The following CPNE5 variants were observed in gnomAD, a reference collection of about 807,000 sequenced individuals.
The protein encoded by CPNE5 is copine-5.
In CPNE5, 42 loss-of-function variants were observed where a neutral mutation model predicts 81.1. The ratio of observed to expected loss-of-function variants is 0.52; its 90% CI spans 0.40 to 0.67. CPNE5 has a LOEUF of 0.67. CPNE5 is among the 30% of genes least tolerant of loss of function. The pLI is 0.00. For synonymous variants in CPNE5, 313 were observed against 321.5 expected, an observed-to-expected ratio of 0.97 and a Z score of 0.28; for missense variants, 612 against 815.5, an observed-to-expected ratio of 0.75 and a Z score of 3.04.
In CPNE5 at chr6:36,742,062, C is replaced by A. The variant is rs954696280; in HGVS notation, c.*206G>T. The A allele has an allele frequency of 1.1e-5, 6 of 564,182 alleles. No homozygotes were observed. The African/African-American group carries it at 1.1e-4, about 11-fold the overall frequency. The allele number at this position is 564,182 out of a possible 1,614,324, so 34.9% of individuals were successfully genotyped here. Reference sequence around the variant, plus strand: ...GGGTCCCTGTGTACCCCTCTTTCACCCGTACCCCCCTAACTCCCTGGGTTT... The same window carrying A: ...GGGTCCCTGTGTACCCCTCTTTCACACGTACCCCCCTAACTCCCTGGGTTT... On this transcript the variant is annotated 3_prime_UTR_variant, in exon 21 of 21. Transcript: ENST00000244751.
At chr6:36,810,545 C>A (rs1332043102) in intron 3 of CPNE5, among the ~76,000 whole-genome samples, 3 of 152,146 alleles carry the variant, frequency 2.0e-5, no homozygotes, top group Non-Finnish European at 4.4e-5. Context: ...CAGGTGGGGG[C>A]GCCCAGTGGC....
At chr6:36,802,941 C>T (rs936640377) in intron 3 of CPNE5, among the ~76,000 whole-genome samples, 13 of 152,034 alleles carry the variant, frequency 8.6e-5, no homozygotes, top group African/African-American at 2.9e-4. Flanking sequence ...GCCTATAGTC[C>T]CAGATATTTG....
At chr6:36,801,499 G>A (rs1444490153) in intron 3 of CPNE5, among the ~76,000 whole-genome samples, 3 of 152,226 alleles carry the variant, frequency 2.0e-5, no homozygotes, top group South Asian at 2.1e-4. Context: ...CCATCAAAGC[G>A]GCTCTCTTTT....
At chr6:36,812,230 G>A (rs796360393) in intron 3 of CPNE5, among the ~76,000 whole-genome samples, 6 of 152,298 alleles carry the variant, frequency 3.9e-5, no homozygotes, top group African/African-American at 1.4e-4. Flanking sequence ...TGTGTTGCTG[G>A]GCAAAGCCAG....
At chr6:36,814,451 G>C (rs1228080722) in intron 3 of CPNE5, among the ~76,000 whole-genome samples, 1 of 152,210 alleles carries the variant, frequency 6.6e-6, no homozygotes, top group African/African-American at 2.4e-5. Flanking sequence ...CCAACTCTGA[G>C]GTAGGGAAAT....
At position 36,771,338 on chromosome 6, in the gene CPNE5, C is replaced by T. The variant is rs543507640; in HGVS notation, c.737+3623G>A. 6.6e-4 allele frequency among the ~76,000 whole-genome samples: 100 copies of T among 152,352 alleles called. 2 individuals are homozygous for T. In the South Asian group the frequency reaches 0.019, roughly 29 times the overall value. On this transcript the variant is annotated intron_variant, in intron 10 of 20. Coordinates refer to ENST00000244751, the MANE Select transcript of CPNE5 (RefSeq NM_020939.2). ...GAGCCAGGCTGCCGGGGTCCACATCCTGGTTCTACCACCGGCTGGCAGCAA... is the reference window on the plus strand; with the variant it reads ...GAGCCAGGCTGCCGGGGTCCACATCTTGGTTCTACCACCGGCTGGCAGCAA...
chr6:36,794,026 G>A (rs921270968), intron 7 of CPNE5, among the ~76,000 whole-genome samples: 1 of 152,166 alleles, frequency 6.6e-6, no homozygotes, highest in Non-Finnish European at 1.5e-5. Flanking sequence ...GAGGCCAGCC[G>A]AAGCCAGATG....
Position 36,834,254 on chromosome 6 carries a change from CAAAAAAAAAAAA to C in CPNE5, c.95+5017_95+5028del, listed in dbSNP as rs1157250827. ...AGCTTGGGCAACAGAGACTGTATCT[CAAAAAAAAAAAA>C]AAAAAAAAAAAAGGAAGGAAGGGAG... On this transcript the variant is annotated intron_variant, in intron 1 of 20. Transcript: ENST00000244751. Among the ~76,000 whole-genome samples, 10 of 21,684 alleles carry C rather than the reference CAAAAAAAAAAAA, an allele frequency of 4.6e-4. No individual in the cohort carries two copies. The South Asian group carries it at 0.031, about 68-fold the overall frequency. The allele number at this position is 21,684 out of a possible 152,430, so 14.2% of individuals were successfully genotyped here.
At chr6:36,747,210 C>T (rs1000537048) in intron 15 of CPNE5, among the ~76,000 whole-genome samples, 1 of 151,916 alleles carries the variant, frequency 6.6e-6, no homozygotes, top group Non-Finnish European at 1.5e-5. Flanking sequence ...TTAAAAATTA[C>T]AGCCTCCCCC....
At chr6:36,822,973 T>C in intron 2 of CPNE5, 85 bp downstream of exon 2, 3 of 1,177,936 alleles carry the variant, frequency 2.5e-6, no homozygotes, top group Non-Finnish European at 3.5e-6. Flanking sequence ...TGGTTAGTGC[T>C]CAGTAAGGGC....
intron 8 of CPNE5, 49 bp downstream of exon 8, chr6:36,791,984 A>T: frequency 6.4e-7 from 1 of 1,552,764 alleles, no homozygotes; most frequent in Non-Finnish European, 8.9e-7. Context: ...CCTGCACTCC[A>T]TCACCCCCAC....
chr6:36,755,809 A>C, intron 13 of CPNE5: 1 of 177,296 alleles, frequency 5.6e-6, no homozygotes, highest in Non-Finnish European at 1.2e-5. Flanking sequence ...CATCTCTACC[A>C]CTTTCTAGCT....
chr6:36,828,560 C>G (rs1772720049), intron 1 of CPNE5, among the ~76,000 whole-genome samples: 1 of 152,224 alleles, frequency 6.6e-6, no homozygotes, highest in African/African-American at 2.4e-5. Flanking sequence ...AAGGCTTTGG[C>G]TTCAGCATAG....
chr6:36,812,157 GAGA>G (rs201437991), intron 3 of CPNE5, among the ~76,000 whole-genome samples: 3 of 152,180 alleles, frequency 2.0e-5, no homozygotes, highest in East Asian at 3.9e-4. Context: ...CTGGGCAGAG[GAGA>G]AGACCAGGGA....
chr6:36,753,167 G>T, intron 13 of CPNE5, 72 bp from the exon 14 acceptor site: 2 of 1,243,190 alleles, frequency 1.6e-6, no homozygotes, highest in South Asian at 1.2e-5. Context: ...TTCGAGAGCT[G>T]ACATTGACAG....
At chr6:36,782,113 G>A (rs769209517) in intron 8 of CPNE5, among the ~76,000 whole-genome samples, 2 of 152,170 alleles carry the variant, frequency 1.3e-5, no homozygotes, top group Non-Finnish European at 2.9e-5. Context: ...CTCTTGTGGG[G>A]AGCAGTGGCA....
intron 3 of CPNE5, among the ~76,000 whole-genome samples, chr6:36,811,870 G>A (rs1485730074): frequency 6.6e-6 from 1 of 152,084 alleles, no homozygotes; most frequent in Non-Finnish European, 1.5e-5. Flanking sequence ...TTGGGAGGCC[G>A]AGGTGGGCGG....
chr6:36,807,453 A>T (rs2150551042), intron 3 of CPNE5, among the ~76,000 whole-genome samples: 1 of 152,276 alleles, frequency 6.6e-6, no homozygotes, highest in East Asian at 1.9e-4. Flanking sequence ...GGGACATAAA[A>T]CGTGCTCTGT....
intron 8 of CPNE5, among the ~76,000 whole-genome samples, chr6:36,785,223 C>A (rs1479336318): frequency 1.3e-5 from 2 of 152,120 alleles, no homozygotes; most frequent in African/African-American, 4.8e-5. Context: ...CCTCCCTCCC[C>A]TGAAGAGGGC....
Sources: allele counts gnomAD v4.1 joint callset (sites outside exome capture counted in the v4.1 genomes callset), GRCh38; gene constraint gnomAD v4.1.1; transcripts MANE v1.5; gene names NCBI Gene and HGNC (gene_info 2026-07-23, HGNC 2026-07-21).